The following FRYL variants were observed in gnomAD, a reference collection of about 807,000 sequenced individuals.
The protein encoded by FRYL is protein furry homolog-like.
A neutral mutation model predicts 351.2 loss-of-function variants in FRYL; 150 were observed. The observed-to-expected ratio is 0.43, with a 90% CI of 0.37 to 0.49. FRYL has a LOEUF of 0.49. Ranked by LOEUF, FRYL falls within the 20% of genes least tolerant of loss-of-function variation. FRYL has a pLI of 0.00. For missense variants in FRYL, 3,036 were observed against 3,619.3 expected (o/e 0.84, Z 4.13); for synonymous variants, 1,153 against 1,257.1 (o/e 0.92, Z 1.75).
chr4:48,557,709 A>G lies in FRYL; in HGVS notation c.3869T>C (p.Ile1290Thr). 6.2e-7 allele frequency: 1 copy of G among 1,612,856 alleles called. No individual in the cohort carries two copies. The highest frequency in any genetic ancestry group is 1.1e-5 in the South Asian group (1 of 91,066). ...GTGAGCTGTCTGGATTCTCTGGCTT[A>G]TCTCTGAAATTGAAAACAAGTCAAA... The part of the protein sequence containing the change: ...PELTLAIFSE[I>T]SQRIQTAHPA... Residue 1290 changes from isoleucine (I) to threonine (T), a missense_variant, in exon 34 of 64, where the codon ATA becomes ACA. Ile to Thr is a moderately conservative substitution (Grantham distance 89). Around this residue, in one of 7 missense-constraint regions of FRYL, gnomAD observed 1,987 missense variants for 2,311.7 expected, o/e 0.86. Coordinates refer to ENST00000358350, the MANE Select transcript of FRYL (RefSeq NM_015030.2).
At chr4:48,654,177 G>C (rs1188400848) in intron 3 of FRYL, among the ~76,000 whole-genome samples, 1 of 151,906 alleles carries the variant, frequency 6.6e-6, no homozygotes, top group Non-Finnish European at 1.5e-5. Flanking sequence ...AAACAGACAA[G>C]GGTAAGAAGC....
At chr4:48,596,369 T>G (rs1364115656) in intron 13 of FRYL, among the ~76,000 whole-genome samples, 1 of 152,182 alleles carries the variant, frequency 6.6e-6, no homozygotes, top group African/African-American at 2.4e-5. Flanking sequence ...TTGGCAGAAT[T>G]CATTTGTAGC....
intron 55 of FRYL, among the ~76,000 whole-genome samples, chr4:48,517,040 G>GAA (rs1345047250): frequency 6.6e-6 from 1 of 152,132 alleles, no homozygotes; most frequent in Admixed American, 6.5e-5. Flanking sequence ...GTTAAGCAGG[G>GAA]AAAGCAGCAA....
At chr4:48,615,351 G>A (rs1036122552) in intron 7 of FRYL, among the ~76,000 whole-genome samples, 19 of 152,074 alleles carry the variant, frequency 1.2e-4, no homozygotes, top group Non-Finnish European at 2.6e-4. Flanking sequence ...AATCTACTCC[G>A]TATACATAAA....
At chr4:48,565,483 C>T (rs1165330145) in intron 29 of FRYL, 48 bp downstream of exon 29, 7 of 1,413,710 alleles carry the variant, frequency 5.0e-6, no homozygotes, top group Non-Finnish European at 6.6e-6. Context: ...CTTAAAAATA[C>T]TTAACTCTGC....
At chr4:48,605,275 T>A (rs1746538056) in intron 11 of FRYL, among the ~76,000 whole-genome samples, 1 of 152,188 alleles carries the variant, frequency 6.6e-6, no homozygotes, top group Non-Finnish European at 1.5e-5. Context: ...TTTAAAACAA[T>A]TCTCTGTTCA....
At chr4:48,525,549 C>A (rs1298600188) in intron 53 of FRYL, among the ~76,000 whole-genome samples, 1 of 152,158 alleles carries the variant, frequency 6.6e-6, no homozygotes, top group Non-Finnish European at 1.5e-5. Flanking sequence ...ATTCCTCCGC[C>A]TCACCTATTA....
chr4:48,564,137 C>T (rs369846345), intron 30 of FRYL, 35 bp from the exon 31 acceptor site: 47 of 1,607,690 alleles, frequency 2.9e-5, no homozygotes, highest in Non-Finnish European at 3.4e-5. Flanking sequence ...CGAGAGAGAA[C>T]GTTATATATT....
At chr4:48,544,681 T>C (rs527597621) in intron 43 of FRYL, 102 bp downstream of exon 43, 221 of 894,282 alleles carry the variant, frequency 2.5e-4, no homozygotes, top group Admixed American at 4.5e-4. Context: ...CTAAAACTTT[T>C]AGAGGTATCA....
intron 6 of FRYL, 69 bp downstream of exon 6, chr4:48,620,570 T>C (rs1395860766): frequency 6.8e-6 from 10 of 1,470,812 alleles, no homozygotes; most frequent in Non-Finnish European, 9.3e-6. Context: ...CAACCTTCAG[T>C]TGATAATATC....
At position 48,766,184 on chromosome 4, in the gene FRYL, G is replaced by A. The variant is rs1400327210; in HGVS notation, c.-384+13894C>T. 2.6e-5 allele frequency among the ~76,000 whole-genome samples: 4 copies of A among 152,116 alleles called. No homozygotes were observed. In the East Asian group the frequency reaches 5.8e-4, roughly 22 times the overall value. On this transcript the variant is annotated intron_variant, in intron 1 of 63. Coordinates refer to ENST00000358350, the MANE Select transcript of FRYL (RefSeq NM_015030.2). ...CTCAGAGAGATATCTGTACTCCCAC[G>A]TTCACTGTGGCGTTATTCACAATAG...
chr4:48,503,271 T>C (rs967033606), intron 60 of FRYL, among the ~76,000 whole-genome samples: 1 of 152,124 alleles, frequency 6.6e-6, no homozygotes, highest in Non-Finnish European at 1.5e-5. Flanking sequence ...CAGAAAAGAA[T>C]TGGCTTATAA....
At chr4:48,651,478 T>C (rs753430346) in intron 3 of FRYL, among the ~76,000 whole-genome samples, 7 of 152,098 alleles carry the variant, frequency 4.6e-5, no homozygotes, top group Non-Finnish European at 7.4e-5. Flanking sequence ...AGCAGACCAA[T>C]GTGATTCCTT....
intron 3 of FRYL, among the ~76,000 whole-genome samples, chr4:48,682,569 A>G (rs1187864279): frequency 1.3e-5 from 2 of 152,222 alleles, no homozygotes; most frequent in African/African-American, 4.8e-5. Flanking sequence ...ACAAATGTAC[A>G]AGAAAAAAAC....
At chr4:48,632,076 AAAAAAAAAAAAAAAAATATATAT>A in intron 4 of FRYL, among the ~76,000 whole-genome samples, 2 of 38,796 alleles carry the variant, frequency 5.2e-5, no homozygotes, top group African/African-American at 7.8e-5. Context: ...AAAAAAAAAA[AAAAAAAAAAAAAAAAATATATAT>A]ATATATATAT....
chr4:48,690,120 T>C (rs1431157778), intron 2 of FRYL, among the ~76,000 whole-genome samples: 1 of 151,576 alleles, frequency 6.6e-6, no homozygotes, highest in East Asian at 1.9e-4. Flanking sequence ...TTAGCCAGGA[T>C]GATCTCGATC....
intron 2 of FRYL, among the ~76,000 whole-genome samples, chr4:48,705,539 G>C (rs1274834397): frequency 7.3e-6 from 1 of 137,532 alleles, no homozygotes; most frequent in African/African-American, 2.8e-5. Flanking sequence ...TGAATATATA[G>C]CTTGCTTATA....
At chr4:48,572,120 C>CT in intron 26 of FRYL, 1 of 374,958 alleles carries the variant, frequency 2.7e-6, no homozygotes, top group Non-Finnish European at 3.7e-6. Context: ...CACCATCTCC[C>CT]TCTCCTGCTT....
At chr4:48,741,879 A>G (rs1451214083) in intron 1 of FRYL, among the ~76,000 whole-genome samples, 4 of 152,314 alleles carry the variant, frequency 2.6e-5, no homozygotes, top group Non-Finnish European at 4.4e-5. Context: ...TGAGGGATAA[A>G]CAGGTGGAGC....
Sources: allele counts gnomAD v4.1 joint callset (sites outside exome capture counted in the v4.1 genomes callset), GRCh38; gene constraint gnomAD v4.1.1; regional missense constraint gnomAD v4.1.1; transcripts MANE v1.5; gene names NCBI Gene and HGNC (gene_info 2026-07-23, HGNC 2026-07-21).